TBC1D22A: variants seen among roughly 807,000 people sequenced by gnomAD.
TBC1D22A encodes TBC1 domain family member 22A.
TBC1D22A carries 38 observed loss-of-function variants against 60.2 expected under a neutral mutation model. The ratio of observed to expected loss-of-function variants is 0.63; its 90% CI spans 0.49 to 0.83. The LOEUF is 0.83. Among genes scored for constraint, TBC1D22A ranks in the 40% least tolerant of loss-of-function variants. The probability of loss-of-function intolerance (pLI) is 0.00; values close to 1 mark genes in which losing one functional copy is unlikely to be tolerated. For missense variants in TBC1D22A, 628 were observed against 701.0 expected (o/e 0.90, Z 1.18); for synonymous variants, 302 against 281.7 (o/e 1.07, Z -0.72).
intron 10 of TBC1D22A, among the ~76,000 whole-genome samples, chr22:47,011,654 C>CT (rs1303541438): frequency 1.3e-5 from 2 of 152,198 alleles, no homozygotes; most frequent in Non-Finnish European, 2.9e-5. Context: ...CACTCCCCTG[C>CT]TTAAAGAGGA....
chr22:47,139,792 G>A (rs925502140), intron 12 of TBC1D22A, among the ~76,000 whole-genome samples: 1 of 152,212 alleles, frequency 6.6e-6, no homozygotes, highest in African/African-American at 2.4e-5. Flanking sequence ...GAGAAGCCCC[G>A]CTCTCACTGC....
intron 10 of TBC1D22A, among the ~76,000 whole-genome samples, chr22:47,002,765 C>G (rs2061442758): frequency 6.6e-6 from 1 of 152,148 alleles, no homozygotes; most frequent in Admixed American, 6.5e-5. Context: ...TCCCTGGGGC[C>G]CCGGTTCTGG....
intron 9 of TBC1D22A, among the ~76,000 whole-genome samples, chr22:46,977,900 G>C (rs1025730508): frequency 6.6e-6 from 1 of 152,216 alleles, no homozygotes; most frequent in Non-Finnish European, 1.5e-5. Flanking sequence ...CTCCAGCCAG[G>C]CCACGCCTCC....
At chr22:46,871,453 A>G (rs1006077579) in intron 4 of TBC1D22A, among the ~76,000 whole-genome samples, 2 of 152,230 alleles carry the variant, frequency 1.3e-5, no homozygotes, top group African/African-American at 4.8e-5. Context: ...AGTAGACTGT[A>G]TGTTGGCCCC....
chr22:46,880,366 T>C (rs1397050323), intron 5 of TBC1D22A, among the ~76,000 whole-genome samples: 2 of 152,206 alleles, frequency 1.3e-5, no homozygotes, highest in African/African-American at 4.8e-5. Context: ...TGACTTTGAA[T>C]AAAATGGGAG....
intron 4 of TBC1D22A, among the ~76,000 whole-genome samples, chr22:46,856,981 G>A (rs910977863): frequency 2.0e-5 from 3 of 152,346 alleles, no homozygotes; most frequent in East Asian, 1.9e-4. Flanking sequence ...AGGTCTAGTC[G>A]TACAATTGCC....
At chr22:46,928,126 GAA>G (rs56701535) in intron 8 of TBC1D22A, among the ~76,000 whole-genome samples, 38 of 146,370 alleles carry the variant, frequency 2.6e-4, no homozygotes, top group East Asian at 1.2e-3. Context: ...TAACAGTCTT[GAA>G]AAAAAAAAAA....
At chr22:47,071,145 C>T (rs2063970761) in intron 11 of TBC1D22A, among the ~76,000 whole-genome samples, 2 of 152,226 alleles carry the variant, frequency 1.3e-5, no homozygotes, top group Admixed American at 1.3e-4. Context: ...ATTTTAGTAA[C>T]CAACCTCCCA....
intron 11 of TBC1D22A, among the ~76,000 whole-genome samples, chr22:47,073,894 G>T (rs538716283): frequency 6.6e-6 from 1 of 152,290 alleles, no homozygotes; most frequent in Admixed American, 6.5e-5. Flanking sequence ...TTGGAAGGTC[G>T]AGGAGGGCAG....
At chr22:46,843,723 A>G (rs2086874728) in intron 4 of TBC1D22A, among the ~76,000 whole-genome samples, 1 of 152,100 alleles carries the variant, frequency 6.6e-6, no homozygotes, top group Non-Finnish European at 1.5e-5. Context: ...TGAGCGGTGA[A>G]CTGGGTAAAC....
intron 8 of TBC1D22A, among the ~76,000 whole-genome samples, chr22:46,952,000 T>C (rs1477360985): frequency 3.3e-5 from 5 of 152,176 alleles, no homozygotes; most frequent in Non-Finnish European, 5.9e-5. Flanking sequence ...GCAGGCTGTT[T>C]GTTACGAGTT....
At chr22:47,115,778 A>G (rs770493794) in intron 12 of TBC1D22A, 2 of 152,278 alleles carry the variant, frequency 1.3e-5, no homozygotes, top group Non-Finnish European at 2.9e-5. Context: ...CCAGCATGTC[A>G]TGACCCACGC....
rs2064194222 is a variant in TBC1D22A, at chr22:47,076,080, A to G, written c.1330-35428A>G. Among the ~76,000 whole-genome samples the G allele has an allele frequency of 2.0e-5, 3 of 152,154 alleles. No homozygotes were observed. In the South Asian group the frequency reaches 6.2e-4, roughly 32 times the overall value. On this transcript the variant is annotated intron_variant, in intron 11 of 12. Transcript: ENST00000337137. Reference sequence around the variant, plus strand: ...GCCAGAATTACAAGGACAGATTGACAAATCTGTAATCATTGTGGTAGATTT... The same window carrying G: ...GCCAGAATTACAAGGACAGATTGACGAATCTGTAATCATTGTGGTAGATTT...
chr22:47,074,139 AT>A (rs1479815423), intron 11 of TBC1D22A, among the ~76,000 whole-genome samples: 1 of 152,220 alleles, frequency 6.6e-6, no homozygotes, highest in African/African-American at 2.4e-5. Context: ...AAAGTATATA[AT>A]TCAGACTTAA....
intron 11 of TBC1D22A, among the ~76,000 whole-genome samples, chr22:47,037,599 C>A (rs1257232707): frequency 6.6e-6 from 1 of 152,158 alleles, no homozygotes; most frequent in Non-Finnish European, 1.5e-5. Flanking sequence ...CCACTGCACT[C>A]CAGCCTGGGT....
chr22:47,010,085 C>T (rs2061711941), intron 10 of TBC1D22A, among the ~76,000 whole-genome samples: 1 of 152,184 alleles, frequency 6.6e-6, no homozygotes, highest in Admixed American at 6.5e-5. Flanking sequence ...GAACATTTTC[C>T]CTTTCCTGTG....
At chr22:46,835,490 C>A (rs1254575597) in intron 4 of TBC1D22A, among the ~76,000 whole-genome samples, 2 of 152,102 alleles carry the variant, frequency 1.3e-5, no homozygotes, top group African/African-American at 2.4e-5. Flanking sequence ...CAGACTCTAA[C>A]AAGCCGAAGA....
intron 11 of TBC1D22A, among the ~76,000 whole-genome samples, chr22:47,107,343 A>T (rs183502486): frequency 5.6e-4 from 85 of 152,292 alleles, no homozygotes; most frequent in African/African-American, 2.0e-3. Context: ...AGGGACCAAG[A>T]TCTTTGGTTA....
intron 8 of TBC1D22A, among the ~76,000 whole-genome samples, chr22:46,971,127 A>C (rs1602728825): frequency 6.6e-6 from 1 of 152,220 alleles, no homozygotes; most frequent in Non-Finnish European, 1.5e-5. Flanking sequence ...GTTAAATGCC[A>C]TTACTTCATT....
Sources: gnomAD v4.1 joint callset for allele counts (sites outside exome capture counted in the v4.1 genomes callset) on GRCh38, gnomAD v4.1.1 for gene constraint, MANE v1.5 for transcripts, NCBI Gene and HGNC (gene_info 2026-07-23, HGNC 2026-07-21) for gene names.